CHD1L: variants seen among roughly 807,000 people sequenced by gnomAD.
CHD1L encodes the protein chromodomain helicase DNA binding protein 1 like, also known as ATP-dependent chromatin remodeler CHD1L.
CHD1L carries 118 observed loss-of-function variants against 115.9 expected under a neutral mutation model. That is an observed-to-expected ratio of 1.02 (90% confidence interval 0.88 to 1.19). The LOEUF is 1.19. Among genes scored for constraint, CHD1L ranks in the 50% most tolerant of loss-of-function variants. The probability of loss-of-function intolerance (pLI) is 0.00; values close to 1 mark genes in which losing one functional copy is unlikely to be tolerated. For missense variants in CHD1L, 1,179 were observed against 1,065.3 expected (o/e 1.11, Z -1.49); for synonymous variants, 411 against 387.1 (o/e 1.06, Z -0.72).
intron 1 of CHD1L, among the ~76,000 whole-genome samples, chr1:147,244,208 T>C (rs374542908): frequency 3.0e-4 from 46 of 152,304 alleles, no homozygotes; most frequent in Non-Finnish European, 5.1e-4. Context: ...CTGTGGATAA[T>C]ATGCCAGGAG....
Position 147,267,511 on chromosome 1 carries a change from G to T in CHD1L, c.981G>T (p.Leu327Phe). ...GAAAGTGTGTGGATCACCCATATTT[G>T]TTTGATGGTGAGACAGTGCCTTTTC... The part of the protein sequence containing the change: ...QLRKCVDHPY[L>F]FDGVEPEPFE... The change falls in exon 9 of 23, where the codon TTG becomes TTT. Residue 327 changes from leucine (L) to phenylalanine (F), a missense_variant. Coordinates refer to ENST00000369258, the MANE Select transcript of CHD1L (RefSeq NM_004284.6). 1 of 1,609,780 alleles carries T rather than the reference G, an allele frequency of 6.2e-7. No homozygotes were observed. Among genetic ancestry groups the T allele is most frequent in the Non-Finnish European group, 8.5e-7 (1 of 1,177,492 alleles).
At chr1:147,251,950 TTA>T (rs1174094001) in intron 1 of CHD1L, among the ~76,000 whole-genome samples, 1 of 152,234 alleles carries the variant, frequency 6.6e-6, no homozygotes, top group Non-Finnish European at 1.5e-5. Flanking sequence ...AACCAGATAG[TTA>T]TGTTTTTGCT....
the CHD1L span, chr1:147,190,089 C>G: frequency 1.2e-6 from 1 of 835,186 alleles, no homozygotes. Context: ...CTTAAGCTAA[C>G]ATGAGGCAGT....
At chr1:147,278,660 T>A (rs1553959773) in intron 14 of CHD1L, among the ~76,000 whole-genome samples, 1 of 152,080 alleles carries the variant, frequency 6.6e-6, no homozygotes, top group East Asian at 1.9e-4. Context: ...GAGGACACAG[T>A]AGAAACAGGC....
intron 6 of CHD1L, among the ~76,000 whole-genome samples, chr1:147,264,049 G>T (rs1672958525): frequency 6.6e-6 from 1 of 152,116 alleles, no homozygotes; most frequent in Admixed American, 6.5e-5. Flanking sequence ...TGTGCATTGT[G>T]TCTCAGATAC....
chr1:147,245,271 G>A (rs1047370628), intron 1 of CHD1L, among the ~76,000 whole-genome samples: 2 of 152,198 alleles, frequency 1.3e-5, no homozygotes, highest in Non-Finnish European at 2.9e-5. Context: ...ATTTGGAAGG[G>A]GAAAGTGAGG....
the CHD1L span, among the ~76,000 whole-genome samples, chr1:147,189,248 G>A: frequency 1.3e-5 from 2 of 150,258 alleles, no homozygotes; most frequent in African/African-American, 5.0e-5. Flanking sequence ...ACTCCAGCCT[G>A]AGTGACAGAG....
the CHD1L span, among the ~76,000 whole-genome samples, chr1:147,176,655 C>T: frequency 2.0e-5 from 3 of 152,074 alleles, no homozygotes; most frequent in Non-Finnish European, 4.4e-5. Flanking sequence ...CTGCAAATTT[C>T]CTCTAAAATT....
Position 147,275,531 on chromosome 1 carries a change from G to A in CHD1L, c.1385+63G>A, listed in dbSNP as rs74121880. Reference sequence around the variant, plus strand: ...AGCAGTTCTGGGTTGTGAAAAAGGTGAAGAATATAGTCCTGGTGACAGTCC... The same window carrying A: ...AGCAGTTCTGGGTTGTGAAAAAGGTAAAGAATATAGTCCTGGTGACAGTCC... On this transcript the variant is annotated intron_variant, in intron 13 of 22. Transcript: ENST00000369258. 3,965 of 1,271,430 alleles carry A rather than the reference G, an allele frequency of 3.1e-3. 109 individuals are homozygous for A. The African/African-American group carries it at 0.053, about 17-fold the overall frequency. 78.8% of individuals were successfully genotyped at this position (1,271,430 alleles called of 1,614,324 possible). A position where few individuals can be genotyped will look rare whatever the true frequency, so the allele number is the denominator to read the frequency against.
chr1:147,271,793 G>A (rs1676336065), intron 11 of CHD1L, among the ~76,000 whole-genome samples: 1 of 152,150 alleles, frequency 6.6e-6, no homozygotes, highest in Non-Finnish European at 1.5e-5. Context: ...CTGTTAGAAG[G>A]GGCTCACTCA....
intron 12 of CHD1L, among the ~76,000 whole-genome samples, chr1:147,273,257 G>A (rs1326155771): frequency 6.6e-6 from 1 of 152,078 alleles, no homozygotes; most frequent in Non-Finnish European, 1.5e-5. Context: ...TCTTATTTTT[G>A]TAGACATAAA....
the CHD1L span, among the ~76,000 whole-genome samples, chr1:147,198,702 C>T: frequency 1.3e-4 from 19 of 151,716 alleles, no homozygotes; most frequent in Admixed American, 2.6e-4. Context: ...CACAAAAAAA[C>T]TAGCCGGGCA....
chr1:147,295,505 C>G lies in CHD1L; in HGVS notation c.2690C>G (p.Pro897Arg), dbSNP rs782092066. Reference sequence around the variant, plus strand: ...TCTTCCTCCTCAAGACAGCTGGTGCCTTAAGAATTGGCCCAGCCTCAGATC... The same window carrying G: ...TCTTCCTCCTCAAGACAGCTGGTGCGTTAAGAATTGGCCCAGCCTCAGATC... ...SSSSSSRQLV[P>R] The change falls in exon 23 of 23, where the codon CCT (proline) becomes CGT (arginine). Residue 897 changes from proline to arginine, a missense_variant. By Grantham distance (103) the Pro-to-Arg change is moderately radical (BLOSUM62 -2). Transcript: ENST00000369258. 8 of 1,608,344 alleles carry G rather than the reference C, an allele frequency of 5.0e-6. No individual in the cohort carries two copies. In the East Asian group the frequency reaches 6.7e-5, roughly 13 times the overall value.
At chr1:147,213,510 A>G in the CHD1L span, 3 of 1,537,978 alleles carry the variant, frequency 2.0e-6, no homozygotes, top group Non-Finnish European at 2.6e-6. Flanking sequence ...CATCCCTGAC[A>G]TGACTCTCCT....
At chr1:147,204,986 C>G in the CHD1L span, 1 of 1,017,928 alleles carries the variant, frequency 9.8e-7, no homozygotes, top group Non-Finnish European at 1.5e-6. Context: ...GCGGAGGAAC[C>G]AAAGGTTTTC....
rs587724920 is a variant in CHD1L, at chr1:147,255,068, G to A, written c.347+92G>A. On this transcript the variant is annotated intron_variant, in intron 3 of 22. Transcript: ENST00000369258. ...ATAAAATATGATAAAACAACCTATT[G>A]TCGTAATTAGTAAGTTTATTCCAGA... 3.2e-5 allele frequency: 29 copies of A among 896,054 alleles called. No individual in the cohort carries two copies. In the South Asian group the frequency reaches 5.2e-4, roughly 16 times the overall value. The allele number at this position is 896,054 out of a possible 1,614,324, so 55.5% of individuals were successfully genotyped here.
At chr1:147,184,246 A>C in the CHD1L span, 1 of 249,846 alleles carries the variant, frequency 4.0e-6, no homozygotes, top group African/African-American at 2.2e-5. This position sits in a 1 kb window ranked among gnomAD's most constrained non-coding sequence, Gnocchi z 4.4. Flanking sequence ...TTTTATTTTT[A>C]AATTTTATAA....
At chr1:147,287,502 G>A in intron 18 of CHD1L, 133 bp from the exon 19 acceptor site, 1 of 612,978 alleles carries the variant, frequency 1.6e-6, no homozygotes, top group East Asian at 2.8e-5. Flanking sequence ...GATATTCCTA[G>A]GAGATAAGAT....
At chr1:147,277,431 A>G (rs1343252369) in intron 14 of CHD1L, among the ~76,000 whole-genome samples, 1 of 152,226 alleles carries the variant, frequency 6.6e-6, no homozygotes, top group East Asian at 1.9e-4. Context: ...ATCTTTACAT[A>G]TCAGTGTTGC....
Sources: gnomAD v4.1 joint callset for allele counts (sites outside exome capture counted in the v4.1 genomes callset) on GRCh38, gnomAD v4.1.1 for gene constraint, Gnocchi (gnomAD v3.1) non-coding constraint, MANE v1.5 for transcripts, NCBI Gene and HGNC (gene_info 2026-07-23, HGNC 2026-07-21) for gene names.